The following CUX2 variants were observed in gnomAD, a reference collection of about 807,000 sequenced individuals.
The protein encoded by CUX2 is cut like homeobox 2, also known as homeobox protein cut-like 2.
In CUX2, 40 loss-of-function variants were observed where a neutral mutation model predicts 144.8. That is an observed-to-expected ratio of 0.28 (90% CI 0.21 to 0.36). The LOEUF (loss-of-function observed/expected upper bound fraction) is 0.36, where lower values mean the gene tolerates loss of function less well. Among genes scored for constraint, CUX2 ranks in the 10% least tolerant of loss-of-function variants. CUX2 has a pLI of 1.00. For missense variants in CUX2, 1,615 were observed against 1,994.0 expected, an observed-to-expected ratio of 0.81 and a Z score of 3.62; for synonymous variants, 827 against 875.6, an observed-to-expected ratio of 0.94 and a Z score of 0.98.
At chr12:111,332,128 C>CTTTT (rs765789593) in intron 18 of CUX2, among the ~76,000 whole-genome samples, 66 of 119,584 alleles carry the variant, frequency 5.5e-4, no homozygotes, top group African/African-American at 1.8e-3. Flanking sequence ...ATCTGTCTAC[C>CTTTT]TTTTTTTTTT....
At chr12:111,183,068 T>G (rs1057154598) in intron 1 of CUX2, among the ~76,000 whole-genome samples, 8 of 152,220 alleles carry the variant, frequency 5.3e-5, no homozygotes, top group Non-Finnish European at 1.0e-4. Flanking sequence ...CTCAGAGGCC[T>G]TGAGCAACTT....
At chr12:111,155,598 A>G (rs1458304646) in intron 1 of CUX2, among the ~76,000 whole-genome samples, 1 of 152,164 alleles carries the variant, frequency 6.6e-6, no homozygotes, top group Non-Finnish European at 1.5e-5. Flanking sequence ...GGTTTCTCCC[A>G]TATGTTCCCA....
chr12:111,330,704 T>TACATATAC (rs1342369428), intron 18 of CUX2, among the ~76,000 whole-genome samples: 4 of 18,314 alleles, frequency 2.2e-4, no homozygotes, highest in East Asian at 1.8e-3. Context: ...TATATATATA[T>TACATATAC]ATATATATAT....
chr12:111,162,623 A>C (rs989635323), intron 1 of CUX2, among the ~76,000 whole-genome samples: 12 of 152,202 alleles, frequency 7.9e-5, no homozygotes, highest in African/African-American at 2.9e-4. Context: ...GTAATTGACT[A>C]CTTGTTTTAG....
chr12:111,071,153 G>T (rs181616079), intron 1 of CUX2, among the ~76,000 whole-genome samples: 233 of 150,166 alleles, frequency 1.6e-3, no homozygotes, highest in African/African-American at 5.5e-3. Context: ...CAAGATTGCT[G>T]GATCATATGG....
intron 1 of CUX2, among the ~76,000 whole-genome samples, chr12:111,104,540 C>T (rs1349744541): frequency 1.3e-5 from 2 of 152,220 alleles, no homozygotes; most frequent in East Asian, 3.8e-4. Flanking sequence ...CAAATTCCAG[C>T]TCTTCACCCT....
intron 1 of CUX2, among the ~76,000 whole-genome samples, chr12:111,193,451 T>C (rs1185188722): frequency 6.6e-6 from 1 of 152,204 alleles, no homozygotes; most frequent in Non-Finnish European, 1.5e-5. Flanking sequence ...TCAATTATCC[T>C]CATGGATAGC....
At position 111,293,488 on chromosome 12, in the gene CUX2, A is replaced by G. The variant is rs754405676; in HGVS notation, c.479A>G (p.Glu160Gly). Residue 160 changes from glutamate to glycine, a missense_variant, in exon 6 of 22, where the codon GAG (glutamate) becomes GGG (glycine). Coordinates refer to ENST00000261726, the MANE Select transcript of CUX2 (RefSeq NM_015267.4). The surrounding 1 kb of genome is among the most constrained non-coding windows in gnomAD (Gnocchi z 4.5). ...GTSPAGPTLTEGSRLPGIPGK... is the reference protein window; with the variant it reads ...GTSPAGPTLTGGSRLPGIPGK... Reference sequence around the variant, plus strand: ...TCGCCTGCCGGGCCCACGCTGACCGAGGGAAGCCGCCTCCCAGGCATTCCC... The same window carrying G: ...TCGCCTGCCGGGCCCACGCTGACCGGGGGAAGCCGCCTCCCAGGCATTCCC... 3.7e-6 allele frequency: 6 copies of G among 1,608,512 alleles called. No individual in the cohort carries two copies. Among genetic ancestry groups the G allele is most frequent in the Non-Finnish European group, 5.1e-6 (6 of 1,178,628 alleles).
intron 19 of CUX2, among the ~76,000 whole-genome samples, chr12:111,337,161 C>T (rs1406801557): frequency 2.0e-5 from 3 of 151,266 alleles, no homozygotes; most frequent in African/African-American, 7.3e-5. Flanking sequence ...GGTGATAGAG[C>T]CAAACTTTGT....
chr12:111,302,596 T>C lies in CUX2; in HGVS notation c.754-1614T>C, dbSNP rs191451982. On this transcript the variant is annotated intron_variant, in intron 9 of 21. Transcript: ENST00000261726. Reference sequence around the variant, plus strand: ...GAATGCTTCCTTCCAGGTAGAAATTTTTTAAGAATTAAGATCTACCAGCTG... The same window carrying C: ...GAATGCTTCCTTCCAGGTAGAAATTCTTTAAGAATTAAGATCTACCAGCTG... 4.6e-5 allele frequency among the ~76,000 whole-genome samples: 7 copies of C among 152,302 alleles called. No individual in the cohort carries two copies. The East Asian group carries it at 1.3e-3, about 29-fold the overall frequency.
At position 111,325,640 on chromosome 12, in the gene CUX2, G is replaced by A. The variant is rs1364213224; in HGVS notation, c.2926+3060G>A. On this transcript the variant is annotated intron_variant, in intron 18 of 21. Transcript: ENST00000261726. ...ATAGTGTTGTGGTGGGGAGGGGTGG[G>A]TTTTGTTTATAGTGTTGTGGTGGGG... Among the ~76,000 whole-genome samples, 3 of 99,002 alleles carry A rather than the reference G, an allele frequency of 3.0e-5. No homozygotes were observed. The East Asian group carries it at 9.3e-4, about 31-fold the overall frequency. 64.9% of individuals were successfully genotyped at this position (99,002 alleles called of 152,430 possible).
chr12:111,189,231 C>G (rs1312332266), intron 1 of CUX2, among the ~76,000 whole-genome samples: 1 of 152,140 alleles, frequency 6.6e-6, no homozygotes, highest in African/African-American at 2.4e-5. Flanking sequence ...ATGATTGCAC[C>G]TCTATACTCC....
At chr12:111,339,169 T>G (rs896824096) in intron 20 of CUX2, among the ~76,000 whole-genome samples, 2 of 151,844 alleles carry the variant, frequency 1.3e-5, no homozygotes. Context: ...GAGGTGGAGG[T>G]TGCGGTGAGC....
Position 111,039,486 on chromosome 12 carries a change from C to T in CUX2, c.63+5246C>T, listed in dbSNP as rs1219101912. ...GCTGGCTGTGCCCAACTTTGCTGTACGAGTTATTGTAAAGGTGAAGGATGC... is the reference window on the plus strand; with the variant it reads ...GCTGGCTGTGCCCAACTTTGCTGTATGAGTTATTGTAAAGGTGAAGGATGC... On this transcript the variant is annotated intron_variant, in intron 1 of 21. Transcript: ENST00000261726. This position sits in a 1 kb window ranked among gnomAD's most constrained non-coding sequence, Gnocchi z 4.2. Among the ~76,000 whole-genome samples, 1 of 152,072 alleles carries T rather than the reference C, an allele frequency of 6.6e-6. No homozygotes were observed. The highest frequency in any genetic ancestry group is 1.5e-5 in the Non-Finnish European group (1 of 68,016).
In CUX2 at chr12:111,178,294, T is replaced by C. The variant is rs574422974; in HGVS notation, c.64-35906T>C. Among the ~76,000 whole-genome samples, 1 of 152,168 alleles carries C rather than the reference T, an allele frequency of 6.6e-6. No individual in the cohort carries two copies. Among genetic ancestry groups the C allele is most frequent in the South Asian group, 2.1e-4 (1 of 4,818 alleles). On this transcript the variant is annotated intron_variant, in intron 1 of 21. Coordinates refer to ENST00000261726, the MANE Select transcript of CUX2 (RefSeq NM_015267.4). This position sits in a 1 kb window ranked among gnomAD's most constrained non-coding sequence, Gnocchi z 5.7. The stretch of plus-strand genomic sequence containing the variant: ...TCTCGGCAGCACATCTTGGCTGGAG[T>C]GTATGATAAATCTAATATACTGTGG...
At chr12:111,326,775 G>C (rs747112815) in intron 18 of CUX2, among the ~76,000 whole-genome samples, 1 of 151,966 alleles carries the variant, frequency 6.6e-6, no homozygotes, top group Non-Finnish European at 1.5e-5. Flanking sequence ...GTGGTAGCAC[G>C]CATCTGTAAT....
In CUX2 at chr12:111,293,211, C is replaced by T. The variant is rs1394836605; in HGVS notation, c.437-235C>T. The stretch of plus-strand genomic sequence containing the variant: ...ATTTTAAAAGTATAATAAAGCAGGC[C>T]GCGGAGGCATGAGCAGGCAAAAGAA... On this transcript the variant is annotated intron_variant, in intron 5 of 21. Coordinates refer to ENST00000261726, the MANE Select transcript of CUX2 (RefSeq NM_015267.4). The surrounding 1 kb of genome is among the most constrained non-coding windows in gnomAD (Gnocchi z 4.5). Among the ~76,000 whole-genome samples the T allele has an allele frequency of 4.6e-5, 7 of 152,132 alleles. No homozygotes were observed. The highest frequency in any genetic ancestry group is 1.2e-4 in the African/African-American group (5 of 41,438).
At chr12:111,120,932 CGGG>C (rs369474426) in intron 1 of CUX2, among the ~76,000 whole-genome samples, 41 of 151,844 alleles carry the variant, frequency 2.7e-4, no homozygotes, top group African/African-American at 9.7e-4. Context: ...GAAACCAGCC[CGGG>C]GGGGTCCTGC....
chr12:111,171,944 C>T lies in CUX2; in HGVS notation c.64-42256C>T, dbSNP rs957937238. 3.3e-5 allele frequency among the ~76,000 whole-genome samples: 5 copies of T among 152,002 alleles called. No individual in the cohort carries two copies. Among genetic ancestry groups the T allele is most frequent in the East Asian group, 1.9e-4 (1 of 5,180 alleles). ...GTGCGTGTGCCTGTGCCTGTGTACA[C>T]GTGCGTGTGTGTGCGTGCATGTGCA... On this transcript the variant is annotated intron_variant, in intron 1 of 21. Transcript: ENST00000261726. This position sits in a 1 kb window ranked among gnomAD's most constrained non-coding sequence, Gnocchi z 5.0.
Sources: gnomAD v4.1 joint callset for allele counts (sites outside exome capture counted in the v4.1 genomes callset) on GRCh38, gnomAD v4.1.1 for gene constraint, Gnocchi (gnomAD v3.1) non-coding constraint, MANE v1.5 for transcripts, NCBI Gene and HGNC (gene_info 2026-07-23, HGNC 2026-07-21) for gene names.